The following BCAS3 variants were observed in gnomAD, a reference collection of about 807,000 sequenced individuals.
The protein encoded by BCAS3 is BCAS3 microtubule associated cell migration factor, also known as BCAS4/BCAS3 fusion.
A neutral mutation model predicts 116.1 loss-of-function variants in BCAS3; 53 were observed. The observed-to-expected ratio is 0.46, with a 90% CI of 0.37 to 0.57. The LOEUF is 0.57. Ranked by LOEUF, BCAS3 falls within the 20% of genes least tolerant of loss-of-function variation. BCAS3 has a pLI of 0.00. For missense variants in BCAS3, 917 were observed against 1,165.4 expected, an observed-to-expected ratio of 0.79 and a Z score of 3.10; for synonymous variants, 391 against 408.2, an observed-to-expected ratio of 0.96 and a Z score of 0.51.
intron 22 of BCAS3, among the ~76,000 whole-genome samples, chr17:61,277,908 G>C (rs1414095162): frequency 6.6e-6 from 1 of 152,228 alleles, no homozygotes; most frequent in East Asian, 1.9e-4. Context: ...ATGTAAAATG[G>C]TGCAGCTCCT....
intron 22 of BCAS3, among the ~76,000 whole-genome samples, chr17:61,294,850 C>T (rs1458063991): frequency 6.6e-6 from 1 of 152,208 alleles, no homozygotes; most frequent in Non-Finnish European, 1.5e-5. Context: ...TCTCTTGAGA[C>T]TTCTGGTCCA....
At chr17:61,373,674 C>G (rs1239697666) in intron 23 of BCAS3, among the ~76,000 whole-genome samples, 1 of 147,934 alleles carries the variant, frequency 6.8e-6, no homozygotes, top group African/African-American at 2.5e-5. Flanking sequence ...TCTCGAACTC[C>G]TGGCCTCAAG....
intron 22 of BCAS3, among the ~76,000 whole-genome samples, chr17:61,154,053 G>A (rs1234123416): frequency 6.6e-6 from 1 of 152,182 alleles, no homozygotes; most frequent in Non-Finnish European, 1.5e-5. Context: ...AAGGTTGAGG[G>A]AGTAAATGTG....
chr17:60,892,480 T>G (rs1001743011), intron 10 of BCAS3, among the ~76,000 whole-genome samples: 3 of 152,012 alleles, frequency 2.0e-5, no homozygotes, highest in Non-Finnish European at 4.4e-5. Flanking sequence ...TGGCTAATTT[T>G]GTATTTTTAG....
Position 61,368,132 on chromosome 17 carries a change from A to G in BCAS3, c.2426-195A>G. On this transcript the variant is annotated intron_variant, in intron 22 of 23. Coordinates refer to ENST00000407086, the MANE Select transcript of BCAS3 (RefSeq NM_017679.5). The surrounding 1 kb of genome is among the most constrained non-coding windows in gnomAD (Gnocchi z 6.0). ...CACCAGCCTCAGTGTCACGGAAGTC[A>G]CTCCAGAGGTCTGCACTCTCTCAGC... The G allele has an allele frequency of 2.2e-6, 1 of 451,198 alleles. No homozygotes were observed. Among genetic ancestry groups the G allele is most frequent in the South Asian group, 8.2e-5 (1 of 12,148 alleles). 27.9% of individuals were successfully genotyped at this position (451,198 alleles called of 1,614,324 possible). A position where few individuals can be genotyped will look rare whatever the true frequency, so the allele number is the denominator to read the frequency against.
chr17:60,910,618 T>G lies in BCAS3; in HGVS notation c.909T>G (p.Val303=). 1 of 1,613,708 alleles carries G rather than the reference T, an allele frequency of 6.2e-7. No homozygotes were observed. Among genetic ancestry groups the G allele is most frequent in the Non-Finnish European group, 8.5e-7 (1 of 1,179,806 alleles). The change falls in exon 12 of 24, where the codon GTT becomes GTG. Residue 303 remains valine, a synonymous_variant. Transcript: ENST00000407086. ...CTTCAGGTGTGACAGAAGATGATGT[T>G]GCCATCCACAGTAATTCACGGCGGA... ...TLPSGVTEDD[V]AIHSNSRRSP... is the part of the protein sequence containing the mutation.
rs957538976 is a variant in BCAS3, at chr17:61,049,969, G to A, written c.2029+9077G>A. 3.3e-5 allele frequency among the ~76,000 whole-genome samples: 5 copies of A among 152,046 alleles called. No homozygotes were observed. The South Asian group carries it at 1.0e-3, about 32-fold the overall frequency. On this transcript the variant is annotated intron_variant, in intron 19 of 23. Coordinates refer to ENST00000407086, the MANE Select transcript of BCAS3 (RefSeq NM_017679.5). ...GGATGGCCTCAAACTCCTGACCTCA[G>A]ATGATCGTCTACCTCGGCCTCCCAA...
At chr17:61,317,854 A>G (rs956427302) in intron 22 of BCAS3, among the ~76,000 whole-genome samples, 3 of 152,248 alleles carry the variant, frequency 2.0e-5, no homozygotes, top group Non-Finnish European at 4.4e-5. Context: ...GGGCCCTGCC[A>G]TGGGAGGCCT....
At position 60,974,991 on chromosome 17, in the gene BCAS3, G is replaced by T. The variant is rs60505379; in HGVS notation, c.1222-14980G>T. ...GCCATTTGTTTTTTTTGTTTTTTTT[G>T]CTTTTTTGTTTTTTTTTTTTTGAGA... On this transcript the variant is annotated intron_variant, in intron 14 of 23. Transcript: ENST00000407086. 6.0e-3 allele frequency among the ~76,000 whole-genome samples: 845 copies of T among 141,316 alleles called. 47 individuals carry two copies. The highest frequency in any genetic ancestry group is 0.024 in the African/African-American group (794 of 32,802). 92.7% of individuals were successfully genotyped at this position (141,316 alleles called of 152,430 possible). A position where few individuals can be genotyped will look rare whatever the true frequency, so the allele number is the denominator to read the frequency against.
chr17:60,897,213 C>G (rs1188839609), intron 10 of BCAS3, among the ~76,000 whole-genome samples: 2 of 152,026 alleles, frequency 1.3e-5, no homozygotes, highest in Non-Finnish European at 2.9e-5. Context: ...TTTTTTCTTT[C>G]AACCCTTTGA....
At chr17:60,834,536 C>T (rs1235234142) in intron 7 of BCAS3, among the ~76,000 whole-genome samples, 3 of 151,986 alleles carry the variant, frequency 2.0e-5, no homozygotes, top group Non-Finnish European at 4.4e-5. Flanking sequence ...TGTACTCAAA[C>T]TAATCTACAT....
In BCAS3 at chr17:60,932,303, T is replaced by C. The variant is rs117309996; in HGVS notation, c.1087+7803T>C. On this transcript the variant is annotated intron_variant, in intron 13 of 23. Coordinates refer to ENST00000407086, the MANE Select transcript of BCAS3 (RefSeq NM_017679.5). ...TACTTGATACTGAGTAAGTGTACAT[T>C]GAATAATTACAATAATTAATTACAT... is the stretch of plus-strand genomic sequence containing the variant. 9.2e-3 allele frequency among the ~76,000 whole-genome samples: 1,404 copies of C among 152,316 alleles called. 8 individuals carry two copies. Among genetic ancestry groups the C allele is most frequent in the Non-Finnish European group, 0.013 (884 of 68,028 alleles).
At chr17:60,933,391 G>A (rs752604202) in intron 13 of BCAS3, among the ~76,000 whole-genome samples, 16 of 152,290 alleles carry the variant, frequency 1.1e-4, no homozygotes, top group Middle Eastern at 3.4e-3. Context: ...TGCCAGCTGA[G>A]CAACTGAGAA....
intron 22 of BCAS3, among the ~76,000 whole-genome samples, chr17:61,184,199 A>C (rs2079634387): frequency 6.6e-6 from 1 of 152,170 alleles, no homozygotes; most frequent in African/African-American, 2.4e-5. Flanking sequence ...TTCAGTGTTC[A>C]TAGTGACTTC....
chr17:61,015,972 T>C, intron 16 of BCAS3, 71 bp downstream of exon 16: 1 of 1,444,106 alleles, frequency 6.9e-7, no homozygotes, highest in East Asian at 2.3e-5. Flanking sequence ...TAAAACATAC[T>C]TTTTCTTTGT....
At chr17:60,732,538 T>TATTA (rs2040560989) in intron 5 of BCAS3, among the ~76,000 whole-genome samples, 2 of 152,204 alleles carry the variant, frequency 1.3e-5, no homozygotes, top group Admixed American at 6.5e-5. Context: ...GGAAGTAATG[T>TATTA]ATTAGTGAGT....
rs2060175361 is a variant in BCAS3 at position 61,392,333 on chromosome 17, G to A, written c.*208G>A. On this transcript the variant is annotated 3_prime_UTR_variant, in exon 24 of 24. Transcript: ENST00000407086. This position sits in a 1 kb window ranked among gnomAD's most constrained non-coding sequence, Gnocchi z 6.4. ...CACTTGCCCTCTGCCACACCTGTCGGTGGAGGCTGTGGCCAGGAGAGACTG... is the reference window on the plus strand; with the variant it reads ...CACTTGCCCTCTGCCACACCTGTCGATGGAGGCTGTGGCCAGGAGAGACTG... 1 of 574,500 alleles carries A rather than the reference G, an allele frequency of 1.7e-6. No homozygotes were observed. Among genetic ancestry groups the A allele is most frequent in the Non-Finnish European group, 3.0e-6 (1 of 331,440 alleles). 35.6% of individuals were successfully genotyped at this position (574,500 alleles called of 1,614,324 possible).
rs2070519991 is a variant in BCAS3 at position 61,065,554 on chromosome 17, A to AT, written c.2030-9363dup. ...GCAGCATGATGTCATTTAACTGCAA[A>AT]TTTCTCTGTTGCTAGAAAAAGGAAT... On this transcript the variant is annotated intron_variant, in intron 19 of 23. Coordinates refer to ENST00000407086, the MANE Select transcript of BCAS3 (RefSeq NM_017679.5). This position sits in a 1 kb window ranked among gnomAD's most constrained non-coding sequence, Gnocchi z 4.8. Among the ~76,000 whole-genome samples, 1 of 152,154 alleles carries AT rather than the reference A, an allele frequency of 6.6e-6. No individual in the cohort carries two copies. The highest frequency in any genetic ancestry group is 2.1e-4 in the South Asian group (1 of 4,818).
chr17:60,791,759 T>G (rs1043449861), intron 6 of BCAS3, among the ~76,000 whole-genome samples: 1 of 152,232 alleles, frequency 6.6e-6, no homozygotes, highest in Admixed American at 6.5e-5. Flanking sequence ...CCGTAAGAGT[T>G]AAATCCCTAT....
Sources: allele counts gnomAD v4.1 joint callset (sites outside exome capture counted in the v4.1 genomes callset), GRCh38; gene constraint gnomAD v4.1.1; non-coding constraint Gnocchi (gnomAD v3.1); transcripts MANE v1.5; gene names NCBI Gene and HGNC (gene_info 2026-07-23, HGNC 2026-07-21).